SLC17A5: variants seen among roughly 807,000 people sequenced by gnomAD.
SLC17A5 encodes sialin.
In SLC17A5, 47 loss-of-function variants were observed where a neutral mutation model predicts 59.4. The ratio of observed to expected loss-of-function variants is 0.79; its 90% confidence interval spans 0.63 to 1.01. The LOEUF is 1.01. SLC17A5 is among the 50% of genes least tolerant of loss of function. The pLI is 0.00. For missense variants in SLC17A5, 522 were observed against 595.5 expected (o/e 0.88, Z 1.28); for synonymous variants, 202 against 210.7 (o/e 0.96, Z 0.36).
chr6:73,644,435 G>T lies in SLC17A5; in HGVS notation c.263C>A (p.Ala88Asp). 1 of 1,613,852 alleles carries T rather than the reference G, an allele frequency of 6.2e-7. No individual in the cohort carries two copies. Among genetic ancestry groups the T allele is most frequent in the South Asian group, 1.1e-5 (1 of 91,016 alleles). Residue 88 changes from alanine to aspartate, a missense_variant, in exon 2 of 11, where the codon GCT becomes GAT. This residue lies in a region of SLC17A5 where 338 missense variants were observed against 363.8 expected (regional missense o/e 0.93). Transcript: ENST00000355773. The stretch of plus-strand genomic sequence containing the variant: ...TTGATTATGATGAACTTTTATGGGA[G>T]CAGAATGCTCTGGACACGCCTTGGA... Reference protein sequence around the residue: ...RTSKACPEHSAPIKVHHNQTG... With the variant: ...RTSKACPEHSDPIKVHHNQTG...
intron 3 of SLC17A5, 104 bp from the exon 4 acceptor site, chr6:73,638,603 A>G: frequency 1.1e-6 from 1 of 879,106 alleles, no homozygotes; most frequent in South Asian, 1.4e-5. Context: ...CTGGATAAGA[A>G]TCAAACGAAT....
chr6:73,600,313 C>G (rs1236740637), intron 10 of SLC17A5, 38 bp downstream of exon 10: 1 of 1,475,504 alleles, frequency 6.8e-7, no homozygotes, highest in East Asian at 2.3e-5. Flanking sequence ...TGTGCAGCTC[C>G]AAAACCTTTC....
At chr6:73,613,310 T>C (rs1221456133) in intron 8 of SLC17A5, among the ~76,000 whole-genome samples, 1 of 152,196 alleles carries the variant, frequency 6.6e-6, no homozygotes, top group Non-Finnish European at 1.5e-5. Flanking sequence ...GGGATGATGT[T>C]TGGCACAGCA....
intron 8 of SLC17A5, among the ~76,000 whole-genome samples, chr6:73,612,487 G>A (rs1233982256): frequency 6.6e-6 from 1 of 152,156 alleles, no homozygotes; most frequent in Non-Finnish European, 1.5e-5. Context: ...AATTACTGAA[G>A]TATAGTCACT....
At chr6:73,635,137 C>G in intron 6 of SLC17A5, 1 of 262,692 alleles carries the variant, frequency 3.8e-6, no homozygotes, top group Non-Finnish European at 7.1e-6. Context: ...AAGGGTCTCA[C>G]TATGTTGACT....
In SLC17A5 at chr6:73,595,008, A is replaced by G; in HGVS notation, c.*69T>C. On this transcript the variant is annotated 3_prime_UTR_variant, in exon 11 of 11. Coordinates refer to ENST00000355773, the MANE Select transcript of SLC17A5 (RefSeq NM_012434.5). ...AAGACATAGAATGCTTACACAATAC[A>G]GAAGGCACTTTGAGGTTACATGATA... 6.5e-6 allele frequency: 10 copies of G among 1,539,812 alleles called. No individual in the cohort carries two copies. Among genetic ancestry groups the G allele is most frequent in the Non-Finnish European group, 8.1e-6 (9 of 1,112,920 alleles).
intron 6 of SLC17A5, among the ~76,000 whole-genome samples, chr6:73,626,142 G>C (rs1768401055): frequency 6.6e-6 from 1 of 152,172 alleles, no homozygotes; most frequent in Admixed American, 6.5e-5. Context: ...AACATAACCT[G>C]AAATAAGAAA....
At chr6:73,606,337 C>T (rs1246103307) in intron 9 of SLC17A5, among the ~76,000 whole-genome samples, 2 of 152,156 alleles carry the variant, frequency 1.3e-5, no homozygotes, top group East Asian at 1.9e-4. Context: ...GCCACCTCAC[C>T]GGGCCTACTT....
intron 10 of SLC17A5, among the ~76,000 whole-genome samples, chr6:73,595,950 GTATATATATACATATACAT>G (rs1561982395): frequency 3.6e-3 from 12 of 3,338 alleles, no homozygotes; most frequent in Admixed American, 0.027. Flanking sequence ...ATATATATAC[GTATATATATACATATACAT>G]ATATATATAT....
At chr6:73,653,165 A>G in intron 1 of SLC17A5, 10 of 985,400 alleles carry the variant, frequency 1.0e-5, no homozygotes, top group Non-Finnish European at 1.2e-5. Context: ...TTACTGCACA[A>G]TGTCAAGATA....
chr6:73,631,954 A>G (rs918256031), intron 6 of SLC17A5, among the ~76,000 whole-genome samples: 6 of 148,622 alleles, frequency 4.0e-5, no homozygotes, highest in African/African-American at 1.2e-4. Flanking sequence ...TTAAAGATGC[A>G]GCTTCACGTA....
chr6:73,595,133 C>T lies in SLC17A5; in HGVS notation c.1432G>A (p.Ala478Thr), dbSNP rs141341430. ...VFGAIFFTLF[A>T]KGEVQNWALN... is the part of the protein sequence containing the mutation. ...GCCCAGTTTTGTACTTCACCTTTGG[C>T]GAATAGTGTAAAGAAAATGGCACCA... Residue 478 changes from alanine (A) to threonine (T), a missense_variant, in exon 11 of 11, where the codon GCC (alanine) becomes ACC (threonine). This residue lies in a region of SLC17A5 where 153 missense variants were observed against 168.5 expected (regional missense o/e 0.91). Coordinates refer to ENST00000355773, the MANE Select transcript of SLC17A5 (RefSeq NM_012434.5). 1.4e-4 allele frequency: 234 copies of T among 1,613,876 alleles called. 1 individual carries two copies. The highest frequency in any genetic ancestry group is 4.5e-4 in the African/African-American group (34 of 74,886).
chr6:73,653,942 G>C lies in SLC17A5; in HGVS notation c.-56C>G, dbSNP rs886061736. The C allele has an allele frequency of 2.9e-5, 43 of 1,476,326 alleles. No individual in the cohort carries two copies. The highest frequency in any genetic ancestry group is 3.9e-5 in the Non-Finnish European group (42 of 1,081,954). 91.5% of individuals were successfully genotyped at this position (1,476,326 alleles called of 1,614,324 possible). A position where few individuals can be genotyped will look rare whatever the true frequency, so the allele number is the denominator to read the frequency against. ...CTGGCAGAGAAGGGAGCGCCGGCCC[G>C]ACAGCCCGAAGCCCCCGGGCCGAGC... is the stretch of plus-strand genomic sequence containing the variant. On this transcript the variant is annotated 5_prime_UTR_variant, in exon 1 of 11. Coordinates refer to ENST00000355773, the MANE Select transcript of SLC17A5 (RefSeq NM_012434.5).
At chr6:73,601,478 GC>G (rs1463680646) in intron 9 of SLC17A5, among the ~76,000 whole-genome samples, 7 of 130,714 alleles carry the variant, frequency 5.4e-5, no homozygotes, top group Non-Finnish European at 1.0e-4. Context: ...TCAGCACCCC[GC>G]CTGGCCAGCC....
At position 73,642,067 on chromosome 6, in the gene SLC17A5, G is replaced by T. The variant is rs561871635; in HGVS notation, c.292-143C>A. Reference sequence around the variant, plus strand: ...GAACATGCAAACTTTCTAGTAGGTGGGTGAGTCATAACAATATAGATATAC... The same window carrying T: ...GAACATGCAAACTTTCTAGTAGGTGTGTGAGTCATAACAATATAGATATAC... On this transcript the variant is annotated intron_variant, in intron 2 of 10. Transcript: ENST00000355773. 4.4e-5 allele frequency: 32 copies of T among 723,708 alleles called. No homozygotes were observed. The African/African-American group carries it at 5.1e-4, about 12-fold the overall frequency. 44.8% of individuals were successfully genotyped at this position (723,708 alleles called of 1,614,324 possible). A position where few individuals can be genotyped will look rare whatever the true frequency, so the allele number is the denominator to read the frequency against.
At chr6:73,601,360 T>TGG (rs1224977255) in intron 9 of SLC17A5, among the ~76,000 whole-genome samples, 21 of 138,842 alleles carry the variant, frequency 1.5e-4, no homozygotes, top group Admixed American at 1.5e-3. Context: ...CCACCCCGTC[T>TGG]GGGAAGTGAG....
intron 9 of SLC17A5, among the ~76,000 whole-genome samples, chr6:73,608,022 C>T (rs534552843): frequency 2.0e-5 from 3 of 152,064 alleles, no homozygotes; most frequent in African/African-American, 7.2e-5. Context: ...GGTGATCCAC[C>T]CGCCTCAGCC....
intron 5 of SLC17A5, among the ~76,000 whole-genome samples, chr6:73,635,713 T>C (rs1281593147): frequency 6.6e-6 from 1 of 152,152 alleles, no homozygotes; most frequent in Non-Finnish European, 1.5e-5. Context: ...TATAACTGTA[T>C]TATTGCTTAT....
At chr6:73,652,048 G>A (rs1413989968) in intron 1 of SLC17A5, among the ~76,000 whole-genome samples, 1 of 151,974 alleles carries the variant, frequency 6.6e-6, no homozygotes, top group East Asian at 1.9e-4. Context: ...TCTCTTAATT[G>A]CCATATATGC....
Sources: allele counts gnomAD v4.1 joint callset (sites outside exome capture counted in the v4.1 genomes callset), GRCh38; gene constraint gnomAD v4.1.1; regional missense constraint gnomAD v4.1.1; transcripts MANE v1.5; gene names NCBI Gene and HGNC (gene_info 2026-07-23, HGNC 2026-07-21).